Variants in TMEM184B observed in about 807,000 individuals in gnomAD.
TMEM184B encodes putative MAPK-activating protein FM08.
TMEM184B carries 17 observed loss-of-function variants against 41.8 expected under a neutral mutation model. The ratio of observed to expected loss-of-function variants is 0.41; its 90% CI spans 0.28 to 0.61. The LOEUF (loss-of-function observed/expected upper bound fraction) is 0.61. Ranked by LOEUF, TMEM184B falls within the 20% of genes least tolerant of loss-of-function variation. TMEM184B has a pLI of 0.34. For synonymous variants in TMEM184B, 240 were observed against 229.5 expected (o/e 1.05, Z -0.41); for missense variants, 393 against 557.8 (o/e 0.70, Z 2.98).
chr22:38,231,986 C>T (rs1037242030), intron 3 of TMEM184B: 1 of 165,582 alleles, frequency 6.0e-6, no homozygotes, highest in Admixed American at 5.5e-5. Flanking sequence ...GGCAACATAG[C>T]GAGACCTCAT....
At chr22:38,258,002 A>C (rs1461575268) in intron 1 of TMEM184B, among the ~76,000 whole-genome samples, 1 of 152,096 alleles carries the variant, frequency 6.6e-6, no homozygotes, top group East Asian at 1.9e-4. Flanking sequence ...AAACAAATTC[A>C]AGGACCCCCA....
chr22:38,267,247 C>G (rs1227931356), intron 1 of TMEM184B, among the ~76,000 whole-genome samples: 1 of 152,054 alleles, frequency 6.6e-6, no homozygotes, highest in African/African-American at 2.4e-5. Flanking sequence ...AGGTTCAGCA[C>G]AAAGGCTTTC....
chr22:38,262,771 T>G (rs2092390072), intron 1 of TMEM184B, among the ~76,000 whole-genome samples: 1 of 152,196 alleles, frequency 6.6e-6, no homozygotes, highest in Non-Finnish European at 1.5e-5. Context: ...GGCCCCTTTG[T>G]GAGAACCAAG....
At position 38,247,859 on chromosome 22, in the gene TMEM184B, T is replaced by G. The variant is rs767868367; in HGVS notation, c.103A>C (p.Met35Leu). 2 of 1,613,458 alleles carry G rather than the reference T, an allele frequency of 1.2e-6. No individual in the cohort carries two copies. Among genetic ancestry groups the G allele is most frequent in the Admixed American group, 3.3e-5 (2 of 59,974 alleles). The change falls in exon 2 of 9, where the codon ATG becomes CTG. Residue 35 changes from methionine (M) to leucine (L), a missense_variant. Met to Leu is a conservative substitution (Grantham distance 15). Transcript: ENST00000361906. ...SVIPEGSPTA[M>L]EQPVFLMTTA... is the part of the protein sequence containing the mutation. ...GTCATCAGGAACACAGGCTGCTCCA[T>G]GGCAGTGGGGCTGCCCTCGGGGATC...
chr22:38,231,473 T>C, intron 3 of TMEM184B, 139 bp from the exon 4 acceptor site: 1 of 776,138 alleles, frequency 1.3e-6, no homozygotes, highest in Non-Finnish European at 2.3e-6. Flanking sequence ...CATAAGGTTG[T>C]GCAAAAGGAG....
Position 38,221,729 on chromosome 22 carries a change from G to A in TMEM184B, c.983-19C>T. 1 of 1,612,162 alleles carries A rather than the reference G, an allele frequency of 6.2e-7. No homozygotes were observed. Among genetic ancestry groups the A allele is most frequent in the Non-Finnish European group, 8.5e-7 (1 of 1,179,540 alleles). On this transcript the variant is annotated intron_variant, in intron 8 of 8. Transcript: ENST00000361906. ...CAGCGGCCTGCCGGGCAGGGAGCGGGAGGGGCAGGTGAGGAGGCTGGGACG... is the reference window on the plus strand; with the variant it reads ...CAGCGGCCTGCCGGGCAGGGAGCGGAAGGGGCAGGTGAGGAGGCTGGGACG...
chr22:38,253,949 C>T (rs552753709), intron 1 of TMEM184B, among the ~76,000 whole-genome samples: 1 of 151,940 alleles, frequency 6.6e-6, no homozygotes, highest in Non-Finnish European at 1.5e-5. Flanking sequence ...ACCTGTAATC[C>T]CAGCACTTTG....
rs567784548 is a variant in TMEM184B at position 38,226,567 on chromosome 22, G to A, written c.617+212C>T. 1.6e-4 allele frequency: 82 copies of A among 518,576 alleles called. No homozygotes were observed. In the Middle Eastern group the frequency reaches 2.2e-3, roughly 14 times the overall value. 32.1% of individuals were successfully genotyped at this position (518,576 alleles called of 1,614,324 possible). ...ACCACTCTGCAGCCTGGACATGAAC[G>A]TGACTGCTGCCAATGGCTCACTCCG... On this transcript the variant is annotated intron_variant, in intron 6 of 8. Coordinates refer to ENST00000361906, the MANE Select transcript of TMEM184B (RefSeq NM_012264.5). This position sits in a 1 kb window ranked among gnomAD's most constrained non-coding sequence, Gnocchi z 4.6.
At chr22:38,228,430 A>G (rs978024175) in intron 5 of TMEM184B, among the ~76,000 whole-genome samples, 3 of 141,344 alleles carry the variant, frequency 2.1e-5, no homozygotes, top group Non-Finnish European at 4.7e-5. Context: ...GCAGCAGCAG[A>G]GCCCAGGCCA....
In TMEM184B at chr22:38,226,267, G is replaced by T; in HGVS notation, c.617+512C>A. ...GTTAATTTTTTGTATTTTTAGTAGT[G>T]ATGGGGTTTCACCATGTTGGCCAGG... is the stretch of plus-strand genomic sequence containing the variant. On this transcript the variant is annotated intron_variant, in intron 6 of 8. Coordinates refer to ENST00000361906, the MANE Select transcript of TMEM184B (RefSeq NM_012264.5). The surrounding 1 kb of genome is among the most constrained non-coding windows in gnomAD (Gnocchi z 4.6). 6.5e-6 allele frequency: 1 copy of T among 154,802 alleles called. No homozygotes were observed. The highest frequency in any genetic ancestry group is 2.0e-4 in the South Asian group (1 of 5,060). The allele number at this position is 154,802 out of a possible 1,614,324, so 9.6% of individuals were successfully genotyped here. A position where few individuals can be genotyped will look rare whatever the true frequency, so the allele number is the denominator to read the frequency against.
At chr22:38,228,549 G>A (rs550314876) in intron 5 of TMEM184B, among the ~76,000 whole-genome samples, 1 of 152,234 alleles carries the variant, frequency 6.6e-6, no homozygotes, top group East Asian at 1.9e-4. Flanking sequence ...CAGGTTCCAG[G>A]GCTCCATTCC....
intron 3 of TMEM184B, among the ~76,000 whole-genome samples, chr22:38,233,794 G>C (rs1233038463): frequency 6.6e-6 from 1 of 152,000 alleles, no homozygotes; most frequent in African/African-American, 2.4e-5. Context: ...TTTTGAGACA[G>C]AGTCTCGCTC....
At chr22:38,241,233 T>C (rs2091899489) in intron 3 of TMEM184B, among the ~76,000 whole-genome samples, 1 of 152,244 alleles carries the variant, frequency 6.6e-6, no homozygotes, top group Admixed American at 6.5e-5. Context: ...TGGATTGGCC[T>C]GGCTTTACTG....
chr22:38,253,800 G>A (rs1448400557), intron 1 of TMEM184B, among the ~76,000 whole-genome samples: 1 of 152,108 alleles, frequency 6.6e-6, no homozygotes, highest in African/African-American at 2.4e-5. Context: ...TATAAGAAAA[G>A]TAAAAACTTA....
downstream of TMEM184B, among the ~76,000 whole-genome samples, chr22:38,218,303 G>A (rs1258382175): frequency 6.6e-6 from 1 of 152,176 alleles, no homozygotes; most frequent in African/African-American, 2.4e-5. Flanking sequence ...TGTGGGTCAC[G>A]GCAATTGGGG....
At chr22:38,272,228 T>C (rs1036412786) in intron 1 of TMEM184B, among the ~76,000 whole-genome samples, 1 of 151,988 alleles carries the variant, frequency 6.6e-6, no homozygotes, top group Non-Finnish European at 1.5e-5. Flanking sequence ...GCACTGGAGG[T>C]AAGTGGATCC....
rs1380752088 is a variant in TMEM184B, at chr22:38,225,666, C to T, written c.618-73G>A. On this transcript the variant is annotated intron_variant, in intron 6 of 8. Coordinates refer to ENST00000361906, the MANE Select transcript of TMEM184B (RefSeq NM_012264.5). The surrounding 1 kb of genome is among the most constrained non-coding windows in gnomAD (Gnocchi z 4.4). ...AGGGGCTCTCCTCGACTGCACCACA[C>T]ACAGTCCCCATGGCTCTCAGCCCCA... The T allele has an allele frequency of 1.2e-5, 17 of 1,473,214 alleles. No individual in the cohort carries two copies. In the Admixed American group the frequency reaches 4.5e-4, roughly 39 times the overall value. The allele number at this position is 1,473,214 out of a possible 1,614,324, so 91.3% of individuals were successfully genotyped here. A position where few individuals can be genotyped will look rare whatever the true frequency, so the allele number is the denominator to read the frequency against.
chr22:38,225,433 A>C lies in TMEM184B; in HGVS notation c.778T>G (p.Phe260Val), dbSNP rs1254204449. The stretch of plus-strand genomic sequence containing the variant: ...CTGGGAGGGGGCTCACCTTGCCAGA[A>C]GGAAAGAAAGATGACGGACTTGACC... ...FMVKSVIFLS[F>V]WQGMLLAILE... Residue 260 changes from phenylalanine (F) to valine (V), a missense_variant, in exon 7 of 9, where the codon TTC becomes GTC. Coordinates refer to ENST00000361906, the MANE Select transcript of TMEM184B (RefSeq NM_012264.5). The surrounding 1 kb of genome is among the most constrained non-coding windows in gnomAD (Gnocchi z 4.4). The C allele has an allele frequency of 6.4e-7, 1 of 1,567,954 alleles. No homozygotes were observed. Among genetic ancestry groups the C allele is most frequent in the Non-Finnish European group, 8.6e-7 (1 of 1,159,314 alleles).
At chr22:38,263,160 C>T (rs768360215) in intron 1 of TMEM184B, among the ~76,000 whole-genome samples, 3 of 152,170 alleles carry the variant, frequency 2.0e-5, no homozygotes, top group Admixed American at 6.5e-5. Context: ...ACATCAGCCT[C>T]CCAAACTGCT....
Sources: gnomAD v4.1 joint callset for allele counts (sites outside exome capture counted in the v4.1 genomes callset) on GRCh38, gnomAD v4.1.1 for gene constraint, Gnocchi (gnomAD v3.1) non-coding constraint, MANE v1.5 for transcripts, NCBI Gene and HGNC (gene_info 2026-07-23, HGNC 2026-07-21) for gene names.